Variants in GRID1 observed in about 807,000 individuals in gnomAD.
GRID1 encodes the protein glutamate ionotropic receptor delta type subunit 1, also known as glutamate receptor ionotropic, delta-1.
A neutral mutation model predicts 98.0 loss-of-function variants in GRID1; 28 were observed. That is an observed-to-expected ratio of 0.29 (90% CI 0.21 to 0.39). The LOEUF (loss-of-function observed/expected upper bound fraction) is 0.39, where lower values mean the gene tolerates loss of function less well. GRID1 is among the 10% of genes least tolerant of loss of function. GRID1 has a pLI of 1.00. For missense variants in GRID1, 1,111 were observed against 1,340.5 expected (o/e 0.83, Z 2.67); for synonymous variants, 553 against 538.5 (o/e 1.03, Z -0.37).
At chr10:85,980,628 G>C (rs892993778) in intron 4 of GRID1, among the ~76,000 whole-genome samples, 1 of 152,294 alleles carries the variant, frequency 6.6e-6, no homozygotes, top group South Asian at 2.1e-4. Context: ...AAACACACTC[G>C]TGTTCCCATA....
chr10:85,952,003 T>C (rs1187404733), intron 4 of GRID1, among the ~76,000 whole-genome samples: 1 of 152,224 alleles, frequency 6.6e-6, no homozygotes, highest in African/African-American at 2.4e-5. Context: ...AATAAAGTGC[T>C]CACAAATCTC....
At chr10:85,845,324 T>C (rs1842995968) in intron 8 of GRID1, among the ~76,000 whole-genome samples, 1 of 151,992 alleles carries the variant, frequency 6.6e-6, no homozygotes, top group Admixed American at 6.6e-5. Context: ...TAATAATAAA[T>C]CAATATCCAG....
chr10:85,801,165 T>C (rs1842573494), intron 8 of GRID1, among the ~76,000 whole-genome samples: 1 of 152,044 alleles, frequency 6.6e-6, no homozygotes, highest in Admixed American at 6.6e-5. Flanking sequence ...GAAAATTTGT[T>C]TGTTAAAGTT....
intron 8 of GRID1, among the ~76,000 whole-genome samples, chr10:85,754,665 C>T (rs889183413): frequency 2.0e-5 from 3 of 152,074 alleles, no homozygotes; most frequent in African/African-American, 7.2e-5. Flanking sequence ...TACTCTTTTC[C>T]CCAAAAACTT....
chr10:86,323,145 T>C (rs1293395980), intron 2 of GRID1, among the ~76,000 whole-genome samples: 2 of 152,132 alleles, frequency 1.3e-5, no homozygotes, highest in Non-Finnish European at 2.9e-5. Flanking sequence ...TGCCAAATTA[T>C]CCCAGAAAAC....
At chr10:85,829,257 T>C (rs1462029879) in intron 8 of GRID1, among the ~76,000 whole-genome samples, 1 of 152,152 alleles carries the variant, frequency 6.6e-6, no homozygotes, top group African/African-American at 2.4e-5. Context: ...GGAACATTCC[T>C]TAATGTTAAA....
At chr10:85,750,605 CT>C (rs1248983989) in intron 8 of GRID1, among the ~76,000 whole-genome samples, 2 of 152,068 alleles carry the variant, frequency 1.3e-5, no homozygotes, top group African/African-American at 4.8e-5. Context: ...AATGAAATAC[CT>C]AGCAATGATA....
At chr10:86,029,890 A>G (rs1843162564) in intron 4 of GRID1, among the ~76,000 whole-genome samples, 2 of 152,308 alleles carry the variant, frequency 1.3e-5, no homozygotes, top group Non-Finnish European at 2.9e-5. Flanking sequence ...CCCAGAGGGA[A>G]ATTCTATATC....
At chr10:85,879,127 C>T (rs559452026) in intron 5 of GRID1, among the ~76,000 whole-genome samples, 331 of 152,276 alleles carry the variant, frequency 2.2e-3, no homozygotes, top group Admixed American at 4.1e-3. Context: ...AAAGCAAGTC[C>T]TGAGTGACCT....
At chr10:85,925,684 G>A (rs752540506) in intron 4 of GRID1, among the ~76,000 whole-genome samples, 1 of 152,252 alleles carries the variant, frequency 6.6e-6, no homozygotes, top group African/African-American at 2.4e-5. Context: ...ACCAGATACT[G>A]CTGAAGGAGG....
At chr10:85,774,092 C>T (rs1372823880) in intron 8 of GRID1, among the ~76,000 whole-genome samples, 4 of 152,130 alleles carry the variant, frequency 2.6e-5, no homozygotes, top group African/African-American at 9.7e-5. Context: ...AGGCTACAGT[C>T]ACCAAAACAG....
At chr10:86,172,453 G>C (rs944951828) in intron 3 of GRID1, among the ~76,000 whole-genome samples, 1 of 152,110 alleles carries the variant, frequency 6.6e-6, no homozygotes, top group African/African-American at 2.4e-5. Context: ...CAGGTCAGAG[G>C]ATTACTGAGT....
intron 8 of GRID1, among the ~76,000 whole-genome samples, chr10:85,760,050 T>G (rs539720654): frequency 6.6e-6 from 1 of 152,206 alleles, no homozygotes; most frequent in Non-Finnish European, 1.5e-5. Context: ...GGGCTCTTGA[T>G]GGTAACAGTT....
At chr10:85,615,208 C>T (rs1436083110) in intron 14 of GRID1, among the ~76,000 whole-genome samples, 2 of 152,212 alleles carry the variant, frequency 1.3e-5, no homozygotes, top group Admixed American at 1.3e-4. Flanking sequence ...GTGTCAGCAT[C>T]ATGGGTCCAG....
chr10:86,008,777 A>G (rs986407214), intron 4 of GRID1, among the ~76,000 whole-genome samples: 2 of 152,236 alleles, frequency 1.3e-5, no homozygotes, highest in African/African-American at 4.8e-5. Flanking sequence ...AACATCTCCC[A>G]TATTTTGCTG....
At chr10:85,976,556 T>C (rs1842475701) in intron 4 of GRID1, among the ~76,000 whole-genome samples, 1 of 152,236 alleles carries the variant, frequency 6.6e-6, no homozygotes, top group Non-Finnish European at 1.5e-5. Flanking sequence ...CTTCCTTGTC[T>C]TAGAAAACCT....
At chr10:86,014,405 T>G (rs1015823700) in intron 4 of GRID1, among the ~76,000 whole-genome samples, 1 of 152,240 alleles carries the variant, frequency 6.6e-6, no homozygotes, top group African/African-American at 2.4e-5. Context: ...CTGGATGTTT[T>G]CAGATTCACT....
intron 4 of GRID1, among the ~76,000 whole-genome samples, chr10:85,937,607 A>G (rs2131836388): frequency 6.6e-6 from 1 of 152,292 alleles, no homozygotes; most frequent in Non-Finnish European, 1.5e-5. Flanking sequence ...AAGATTCTAG[A>G]TGATAGGAGC....
At chr10:85,851,276 C>G (rs1358844972) in intron 8 of GRID1, among the ~76,000 whole-genome samples, 1 of 152,098 alleles carries the variant, frequency 6.6e-6, no homozygotes, top group Non-Finnish European at 1.5e-5. Context: ...TCCAGCAAAC[C>G]TTTCCCCTGG....
Sources: gnomAD v4.1 joint callset for allele counts (sites outside exome capture counted in the v4.1 genomes callset) on GRCh38, gnomAD v4.1.1 for gene constraint, MANE v1.5 for transcripts, NCBI Gene and HGNC (gene_info 2026-07-23, HGNC 2026-07-21) for gene names.